FOCAD: variants seen among roughly 807,000 people sequenced by gnomAD.
FOCAD encodes focadhesin, also known as KIAA1797.
In FOCAD, 198 loss-of-function variants were observed where a neutral mutation model predicts 225.6. The ratio of observed to expected loss-of-function variants is 0.88; its 90% CI spans 0.78 to 0.99. The LOEUF is 0.99. FOCAD is among the 50% of genes least tolerant of loss of function. FOCAD has a pLI of 0.00. For synonymous variants in FOCAD, 897 were observed against 755.0 expected (o/e 1.19, Z -3.08); for missense variants, 2,713 against 2,123.6 (o/e 1.28, Z -5.46).
At chr9:20,885,858 TATGA>T (rs1831062698) in intron 21 of FOCAD, among the ~76,000 whole-genome samples, 1 of 152,168 alleles carries the variant, frequency 6.6e-6, no homozygotes, top group African/African-American at 2.4e-5. Flanking sequence ...AATTAAAATG[TATGA>T]ATGAATAACA....
At chr9:20,880,511 G>A (rs1830578551) in intron 19 of FOCAD, among the ~76,000 whole-genome samples, 2 of 152,194 alleles carry the variant, frequency 1.3e-5, no homozygotes, top group Non-Finnish European at 1.5e-5. Context: ...ATGGGAGCCT[G>A]TTAATGCCTT....
chr9:20,713,634 AT>A (rs1166642004), intron 1 of FOCAD, among the ~76,000 whole-genome samples: 1 of 152,092 alleles, frequency 6.6e-6, no homozygotes, highest in Non-Finnish European at 1.5e-5. Flanking sequence ...TTTTTTGCCT[AT>A]TTTGTTCACT....
chr9:20,804,354 G>T (rs908342056), intron 11 of FOCAD, among the ~76,000 whole-genome samples: 1 of 151,918 alleles, frequency 6.6e-6, no homozygotes, highest in Non-Finnish European at 1.5e-5. Context: ...AATTTTTGGT[G>T]CCTGTTTTAA....
At chr9:20,715,693 GT>G (rs1299589530) in intron 2 of FOCAD, among the ~76,000 whole-genome samples, 2 of 151,248 alleles carry the variant, frequency 1.3e-5, no homozygotes, top group Non-Finnish European at 2.9e-5. Flanking sequence ...TGTTTGTTTG[GT>G]TTTTTTTGGC....
chr9:20,660,512 T>C (rs765991882), intron 2 of FOCAD, among the ~76,000 whole-genome samples: 2 of 125,856 alleles, frequency 1.6e-5, no homozygotes, highest in African/African-American at 3.3e-5. Flanking sequence ...AGAAAGAAGA[T>C]TTCTATAGGG....
intron 15 of FOCAD, among the ~76,000 whole-genome samples, chr9:20,824,009 C>T (rs1020758195): frequency 6.6e-6 from 1 of 151,970 alleles, no homozygotes; most frequent in African/African-American, 2.4e-5. Flanking sequence ...TGAGAATACA[C>T]TTCTATTATT....
intron 8 of FOCAD, among the ~76,000 whole-genome samples, chr9:20,774,090 C>T (rs958448449): frequency 1.3e-5 from 2 of 152,184 alleles, no homozygotes; most frequent in Admixed American, 1.3e-4. Context: ...TTATAAGAAT[C>T]TAAATAATGC....
intron 9 of FOCAD, 70 bp from the exon 10 acceptor site, chr9:20,781,657 A>C: frequency 7.1e-7 from 1 of 1,418,050 alleles, no homozygotes; most frequent in East Asian, 2.3e-5. Context: ...TATCATTCTT[A>C]AGCAAAATTG....
At chr9:20,769,932 T>A in intron 7 of FOCAD, 100 bp from the exon 8 acceptor site, 1 of 1,080,566 alleles carries the variant, frequency 9.3e-7, no homozygotes, top group Non-Finnish European at 1.3e-6. Context: ...TCTTTATAGG[T>A]TTAGAGAAAA....
intron 2 of FOCAD, among the ~76,000 whole-genome samples, chr9:20,669,313 G>T (rs1821987791): frequency 1.3e-5 from 2 of 152,110 alleles, no homozygotes; most frequent in African/African-American, 4.8e-5. Flanking sequence ...AAGGGATTCT[G>T]TTCCTTATTT....
chr9:20,696,676 A>T (rs1587245908), intron 1 of FOCAD, among the ~76,000 whole-genome samples: 2 of 152,162 alleles, frequency 1.3e-5, no homozygotes, highest in East Asian at 3.8e-4. Flanking sequence ...ATGGTGGCGC[A>T]AGCCTGTACT....
intron 15 of FOCAD, among the ~76,000 whole-genome samples, chr9:20,840,534 A>G (rs1270998492): frequency 1.3e-5 from 2 of 148,908 alleles, no homozygotes; most frequent in African/African-American, 4.9e-5. Context: ...TTTAAGTGGA[A>G]TTACTTTGTT....
intron 26 of FOCAD, chr9:20,928,025 C>G (rs1426156494): frequency 1.3e-5 from 2 of 151,206 alleles, no homozygotes; most frequent in Admixed American, 6.6e-5. Context: ...GTTAATTGCT[C>G]TATGATGATT....
chr9:20,807,247 G>A (rs1822556054), intron 11 of FOCAD, among the ~76,000 whole-genome samples: 1 of 152,232 alleles, frequency 6.6e-6, no homozygotes, highest in Non-Finnish European at 1.5e-5. Flanking sequence ...TTAGCTAGAT[G>A]ACATGTTCCT....
chr9:20,768,294 G>T (rs1830237090), intron 7 of FOCAD, among the ~76,000 whole-genome samples: 1 of 151,328 alleles, frequency 6.6e-6, no homozygotes, highest in Non-Finnish European at 1.5e-5. Context: ...GCTTAGGATT[G>T]ACTTGGCGAT....
chr9:20,901,541 A>C (rs1270526252), intron 21 of FOCAD, among the ~76,000 whole-genome samples: 1 of 151,766 alleles, frequency 6.6e-6, no homozygotes, highest in African/African-American at 2.4e-5. Flanking sequence ...ATATTTGTTA[A>C]GATCACTCAA....
chr9:20,671,942 A>G (rs551570024), intron 2 of FOCAD, among the ~76,000 whole-genome samples: 53 of 152,100 alleles, frequency 3.5e-4, no homozygotes, highest in Admixed American at 1.3e-3. Flanking sequence ...TTTGGCCGTA[A>G]TAGGAATATT....
intron 16 of FOCAD, among the ~76,000 whole-genome samples, chr9:20,864,726 G>C (rs1829077856): frequency 6.6e-6 from 1 of 152,044 alleles, no homozygotes; most frequent in Non-Finnish European, 1.5e-5. Flanking sequence ...GCTTTGCACA[G>C]TGCTTGCTTC....
intron 1 of FOCAD, among the ~76,000 whole-genome samples, chr9:20,690,036 T>C (rs1822883303): frequency 6.6e-6 from 1 of 152,144 alleles, no homozygotes; most frequent in African/African-American, 2.4e-5. Flanking sequence ...TATCTATTGG[T>C]AGGATTAGGA....
Sources: gnomAD v4.1 joint callset for allele counts (sites outside exome capture counted in the v4.1 genomes callset) on GRCh38, gnomAD v4.1.1 for gene constraint, MANE v1.5 for transcripts, NCBI Gene and HGNC (gene_info 2026-07-23, HGNC 2026-07-21) for gene names.